NFXL1: variants seen among roughly 807,000 people sequenced by gnomAD.
NFXL1 encodes the protein nuclear transcription factor, X-box binding like 1, also known as NF-X1-type zinc finger protein NFXL1.
NFXL1 carries 66 observed loss-of-function variants against 123.3 expected under a neutral mutation model. The observed-to-expected ratio is 0.54, with a 90% CI of 0.44 to 0.66. The LOEUF (loss-of-function observed/expected upper bound fraction) is 0.66, where lower values mean the gene tolerates loss of function less well. Ranked by LOEUF, NFXL1 falls within the 30% of genes least tolerant of loss-of-function variation. NFXL1 has a pLI of 0.00. For synonymous variants in NFXL1, 346 were observed against 360.8 expected (o/e 0.96, Z 0.46); for missense variants, 944 against 1,125.6 (o/e 0.84, Z 2.31).
chr4:47,914,078 C>T lies in NFXL1; in HGVS notation c.126G>A (p.Val42=), dbSNP rs970537657. Residue 42 remains valine, a synonymous_variant, in exon 2 of 23, where the codon GTG becomes GTA. Transcript: ENST00000507489. ...GACTGGTGCCAGAAGGAACTGCGCCCACCGACCCCTTCTCTCGCCCTCCTC... is the reference window on the plus strand; with the variant it reads ...GACTGGTGCCAGAAGGAACTGCGCCTACCGACCCCTTCTCTCGCCCTCCTC... ...GAGGGREKGS[V]GAVPSGTSPG... The T allele has an allele frequency of 6.4e-7, 1 of 1,550,448 alleles. No individual in the cohort carries two copies.
At chr4:47,856,168 C>A (rs562304290) in intron 19 of NFXL1, among the ~76,000 whole-genome samples, 1 of 152,082 alleles carries the variant, frequency 6.6e-6, no homozygotes, top group Admixed American at 6.6e-5. Context: ...TCCCAGATTA[C>A]CTGTTTACTA....
chr4:47,875,141 C>A lies in NFXL1; in HGVS notation c.2232G>T (p.Leu744=). ...RIKCHCKITS[L]YVECRKITTA... ...AGTCTACTTACCTACATTCCACATA[C>A]AGGCTTGTGATCTTACAGTGACATT... is the stretch of plus-strand genomic sequence containing the variant. The change falls in exon 18 of 23, where the codon CTG becomes CTT. Residue 744 remains leucine, a synonymous_variant. Coordinates refer to ENST00000507489, the MANE Select transcript of NFXL1 (RefSeq NM_001278624.2). 2 of 1,608,192 alleles carry A rather than the reference C, an allele frequency of 1.2e-6. No individual in the cohort carries two copies. The highest frequency in any genetic ancestry group is 1.3e-5 in the African/African-American group (1 of 74,844).
chr4:47,885,438 A>C (rs1578020872), intron 14 of NFXL1, 60 bp downstream of exon 14: 1 of 1,395,192 alleles, frequency 7.2e-7, no homozygotes, highest in East Asian at 2.3e-5. Flanking sequence ...AAACTAAGTA[A>C]AAGCAAGAAA....
intron 15 of NFXL1, among the ~76,000 whole-genome samples, chr4:47,880,820 A>G (rs1736061511): frequency 6.6e-6 from 1 of 151,016 alleles, no homozygotes; most frequent in East Asian, 1.9e-4. Context: ...AAAAAAAAAA[A>G]AAAAAAAAAA....
intron 15 of NFXL1, among the ~76,000 whole-genome samples, chr4:47,879,323 A>G (rs1013902427): frequency 6.6e-6 from 1 of 152,182 alleles, no homozygotes; most frequent in African/African-American, 2.4e-5. Flanking sequence ...AGTTAAAAAC[A>G]TAACACTACA....
intron 14 of NFXL1, among the ~76,000 whole-genome samples, chr4:47,885,218 T>C (rs1177936193): frequency 6.6e-6 from 1 of 151,936 alleles, no homozygotes; most frequent in African/African-American, 2.4e-5. Flanking sequence ...ATAGGAGATA[T>C]CTATAACCCT....
At chr4:47,875,968 G>A (rs1224437684) in intron 17 of NFXL1, among the ~76,000 whole-genome samples, 1 of 152,008 alleles carries the variant, frequency 6.6e-6, no homozygotes, top group Admixed American at 6.6e-5. Context: ...ACTTATTTCA[G>A]GATATTGTTT....
intron 3 of NFXL1, among the ~76,000 whole-genome samples, chr4:47,905,823 G>T (rs1447482032): frequency 2.6e-5 from 4 of 152,054 alleles, no homozygotes; most frequent in African/African-American, 9.7e-5. Context: ...TGAATGAAAA[G>T]ACCCTGAGGT....
chr4:47,888,877 G>A (rs541483884), intron 12 of NFXL1, among the ~76,000 whole-genome samples: 1 of 152,158 alleles, frequency 6.6e-6, no homozygotes, highest in Non-Finnish European at 1.5e-5. Context: ...AGTTACTTAT[G>A]AGACAACAAG....
intron 18 of NFXL1, among the ~76,000 whole-genome samples, chr4:47,865,319 GA>G (rs904759409): frequency 4.0e-5 from 6 of 151,728 alleles, no homozygotes; most frequent in African/African-American, 7.3e-5. Context: ...ATGTATTTAA[GA>G]AAAAAAATCT....
chr4:47,909,322 G>A (rs1413382303), intron 3 of NFXL1, among the ~76,000 whole-genome samples: 1 of 152,112 alleles, frequency 6.6e-6, no homozygotes, highest in Non-Finnish European at 1.5e-5. Flanking sequence ...CCATAAACAG[G>A]TACAAAAGTA....
rs145753792 is a variant in NFXL1 at position 47,864,313 on chromosome 4, G to A, written c.2247-1398C>T. On this transcript the variant is annotated intron_variant, in intron 18 of 22. Transcript: ENST00000507489. ...TAATAATATATACATATTGGTTTTC[G>A]TCCACGGTTCTTGGCTCATCACTCC... Among the ~76,000 whole-genome samples, 553 of 152,114 alleles carry A rather than the reference G, an allele frequency of 3.6e-3. 2 individuals carry two copies. The highest frequency in any genetic ancestry group is 6.8e-3 in the Middle Eastern group (2 of 294).
intron 19 of NFXL1, among the ~76,000 whole-genome samples, chr4:47,857,499 T>C (rs1473727070): frequency 6.6e-6 from 1 of 152,220 alleles, no homozygotes; most frequent in Non-Finnish European, 1.5e-5. Context: ...CTGGTCTTGA[T>C]GTTATATCTT....
At chr4:47,864,202 G>C (rs1213475351) in intron 18 of NFXL1, among the ~76,000 whole-genome samples, 1 of 151,978 alleles carries the variant, frequency 6.6e-6, no homozygotes, top group Non-Finnish European at 1.5e-5. Context: ...TCTATACTTA[G>C]GAATAAATTA....
At chr4:47,856,824 A>G (rs924173284) in intron 19 of NFXL1, among the ~76,000 whole-genome samples, 6 of 152,186 alleles carry the variant, frequency 3.9e-5, no homozygotes, top group Admixed American at 3.9e-4. Context: ...CTGGACACTG[A>G]ATACTACTTA....
At chr4:47,851,776 G>C (rs1344967389) in intron 21 of NFXL1, 80 bp downstream of exon 21, 2 of 878,518 alleles carry the variant, frequency 2.3e-6, no homozygotes, top group Non-Finnish European at 1.8e-6. Flanking sequence ...ATTTCAAGTT[G>C]TTTTTAATAA....
intron 3 of NFXL1, among the ~76,000 whole-genome samples, chr4:47,908,824 G>A (rs1201858755): frequency 1.3e-5 from 2 of 151,656 alleles, no homozygotes; most frequent in Non-Finnish European, 2.9e-5. Context: ...GCATGGTGGC[G>A]GGCACCTGTA....
intron 17 of NFXL1, among the ~76,000 whole-genome samples, chr4:47,877,771 A>G (rs946550431): frequency 6.6e-6 from 1 of 152,116 alleles, no homozygotes; most frequent in Non-Finnish European, 1.5e-5. Flanking sequence ...AAAATTTTCA[A>G]TAACATAAGT....
chr4:47,878,766 T>G (rs1451427899), intron 16 of NFXL1, 101 bp from the exon 17 acceptor site: 2 of 824,926 alleles, frequency 2.4e-6, no homozygotes, highest in Non-Finnish European at 3.6e-6. Context: ...AGAACAAGTT[T>G]CAGAAAGGTA....
Sources: gnomAD v4.1 joint callset for allele counts (sites outside exome capture counted in the v4.1 genomes callset) on GRCh38, gnomAD v4.1.1 for gene constraint, MANE v1.5 for transcripts, NCBI Gene and HGNC (gene_info 2026-07-23, HGNC 2026-07-21) for gene names.